NRG3: variants seen among roughly 807,000 people sequenced by gnomAD.
NRG3 encodes the protein neuregulin 3, also known as pro-neuregulin-3, membrane-bound isoform.
In NRG3, 31 loss-of-function variants were observed where a neutral mutation model predicts 66.9. The ratio of observed to expected loss-of-function variants is 0.46; its 90% CI spans 0.35 to 0.63. NRG3 has a LOEUF of 0.63. Ranked by LOEUF, NRG3 falls within the 20% of genes least tolerant of loss-of-function variation. NRG3 has a pLI of 0.00. For missense variants in NRG3, 910 were observed against 878.9 expected (o/e 1.04, Z -0.45); for synonymous variants, 393 against 359.4 (o/e 1.09, Z -1.06).
intron 2 of NRG3, among the ~76,000 whole-genome samples, chr10:82,595,591 C>T (rs2047224878): frequency 6.6e-6 from 1 of 152,088 alleles, no homozygotes; most frequent in African/African-American, 2.4e-5. Context: ...CAAGACCATG[C>T]TGGCCAACAT....
At chr10:82,268,332 G>A (rs1226459886) in intron 1 of NRG3, among the ~76,000 whole-genome samples, 1 of 152,086 alleles carries the variant, frequency 6.6e-6, no homozygotes, top group African/African-American at 2.4e-5. Context: ...TGTATCAAAT[G>A]GAACAGATGG....
chr10:82,245,978 GT>G (rs372596396), intron 1 of NRG3, among the ~76,000 whole-genome samples: 570 of 103,278 alleles, frequency 5.5e-3, no homozygotes, highest in Middle Eastern at 0.015. Flanking sequence ...CAGTCTTCTG[GT>G]TTTTTTTTTT....
At chr10:82,170,685 T>A (rs1305738991) in intron 1 of NRG3, among the ~76,000 whole-genome samples, 2 of 139,514 alleles carry the variant, frequency 1.4e-5, no homozygotes, top group African/African-American at 2.6e-5. Flanking sequence ...TATATATATA[T>A]ATATATATAT....
chr10:82,279,404 A>C (rs1482144675), intron 1 of NRG3, among the ~76,000 whole-genome samples: 1 of 152,180 alleles, frequency 6.6e-6, no homozygotes, highest in Non-Finnish European at 1.5e-5. Context: ...TAAAAAGCCC[A>C]TCAGATTGTT....
At chr10:82,243,030 A>G (rs1160272755) in intron 1 of NRG3, among the ~76,000 whole-genome samples, 1 of 152,192 alleles carries the variant, frequency 6.6e-6, no homozygotes, top group East Asian at 1.9e-4. Flanking sequence ...CAAAACTCTC[A>G]AACAGAAAGC....
chr10:82,346,934 C>T lies in NRG3; in HGVS notation c.824-11805C>T, dbSNP rs374888210. ...ATATCCCCTTTATCATTTTTTATTG[C>T]GTCTATTTGATTCTTCTCTCTTTTT... is the stretch of plus-strand genomic sequence containing the variant. On this transcript the variant is annotated intron_variant, in intron 1 of 8. Transcript: ENST00000372141. Among the ~76,000 whole-genome samples, 112 of 151,504 alleles carry T rather than the reference C, an allele frequency of 7.4e-4. 1 individual carries two copies. The highest frequency in any genetic ancestry group is 1.9e-3 in the South Asian group (9 of 4,788).
chr10:82,322,969 T>C (rs1050906127), intron 1 of NRG3, among the ~76,000 whole-genome samples: 24 of 152,292 alleles, frequency 1.6e-4, no homozygotes, highest in African/African-American at 5.8e-4. Context: ...GTACTGTTAT[T>C]CAGAGCCTTC....
intron 4 of NRG3, among the ~76,000 whole-genome samples, chr10:82,875,718 T>C (rs1344608632): frequency 6.6e-6 from 1 of 152,190 alleles, no homozygotes. Context: ...CTTCAGTACA[T>C]GCGCTGTTAA....
At chr10:82,932,908 TC>T (rs1847713312) in intron 4 of NRG3, among the ~76,000 whole-genome samples, 1 of 152,134 alleles carries the variant, frequency 6.6e-6, no homozygotes, top group Admixed American at 6.5e-5. Flanking sequence ...TGATATCCAG[TC>T]TTATCTTCTC....
At chr10:82,978,280 A>T (rs763420027) in intron 7 of NRG3, among the ~76,000 whole-genome samples, 1 of 152,188 alleles carries the variant, frequency 6.6e-6, no homozygotes, top group Non-Finnish European at 1.5e-5. Context: ...ACCCACTTAC[A>T]TGTTTTGCTC....
At chr10:82,343,331 G>T (rs146350389) in intron 1 of NRG3, among the ~76,000 whole-genome samples, 2 of 151,884 alleles carry the variant, frequency 1.3e-5, no homozygotes, top group East Asian at 3.9e-4. Context: ...AAATACATAG[G>T]CATACATTTA....
Position 82,985,204 on chromosome 10 carries a change from G to C in NRG3, c.1690G>C (p.Val564Leu). 1 of 1,614,148 alleles carries C rather than the reference G, an allele frequency of 6.2e-7. No homozygotes were observed. The highest frequency in any genetic ancestry group is 8.5e-7 in the Non-Finnish European group (1 of 1,180,012). Residue 564 changes from valine to leucine, a missense_variant, in exon 9 of 9, where the codon GTG becomes CTG. Transcript: ENST00000372141. ...YFNSLEQKDLVGYSSTRASSV... is the reference protein window; with the variant it reads ...YFNSLEQKDLLGYSSTRASSV... Reference sequence around the variant, plus strand: ...TAATAGCTTGGAGCAAAAGGACCTGGTGGGCTATTCATCCACAAGGGCCAG... The same window carrying C: ...TAATAGCTTGGAGCAAAAGGACCTGCTGGGCTATTCATCCACAAGGGCCAG...
At chr10:82,300,959 C>A (rs538077006) in intron 1 of NRG3, among the ~76,000 whole-genome samples, 1 of 151,858 alleles carries the variant, frequency 6.6e-6, no homozygotes, top group East Asian at 1.9e-4. Context: ...ACCAAGACCC[C>A]CATCTTTAAA....
chr10:82,666,941 C>T (rs1281460861), intron 2 of NRG3, among the ~76,000 whole-genome samples: 2 of 152,120 alleles, frequency 1.3e-5, no homozygotes, highest in Non-Finnish European at 2.9e-5. Context: ...AGGGTACTTG[C>T]ACATCGTCTA....
chr10:82,545,377 A>ATTT (rs745968047), intron 2 of NRG3, among the ~76,000 whole-genome samples: 26 of 130,958 alleles, frequency 2.0e-4, no homozygotes, highest in African/African-American at 6.5e-4. Context: ...TGCTAATAGC[A>ATTT]TTTTTTTTTT....
At chr10:82,859,112 A>G (rs2063973715) in intron 3 of NRG3, 1 of 152,156 alleles carries the variant, frequency 6.6e-6, no homozygotes, top group South Asian at 2.1e-4. Context: ...ACGCCCAGCT[A>G]ATTTTTTGTA....
intron 4 of NRG3, among the ~76,000 whole-genome samples, chr10:82,900,017 A>T (rs1352954316): frequency 6.6e-6 from 1 of 152,228 alleles, no homozygotes; most frequent in Non-Finnish European, 1.5e-5. Flanking sequence ...ATGTAGTGAC[A>T]TCTGCTTCTG....
At chr10:82,588,172 G>T (rs1445491382) in intron 2 of NRG3, among the ~76,000 whole-genome samples, 1 of 152,070 alleles carries the variant, frequency 6.6e-6, no homozygotes, top group African/African-American at 2.4e-5. Flanking sequence ...CAGCTGATAT[G>T]GTTTGGATAT....
At chr10:82,114,587 G>C (rs2067585634) in intron 1 of NRG3, among the ~76,000 whole-genome samples, 1 of 151,984 alleles carries the variant, frequency 6.6e-6, no homozygotes. Flanking sequence ...GAAGACTTCT[G>C]GAGAAAAAAA....
Sources: gnomAD v4.1 joint callset for allele counts (sites outside exome capture counted in the v4.1 genomes callset) on GRCh38, gnomAD v4.1.1 for gene constraint, MANE v1.5 for transcripts, NCBI Gene and HGNC (gene_info 2026-07-23, HGNC 2026-07-21) for gene names.